Variants in UPF1 observed in about 807,000 individuals in gnomAD.
The protein encoded by UPF1 is regulator of nonsense transcripts 1.
A neutral mutation model predicts 129.2 loss-of-function variants in UPF1; 9 were observed. The ratio of observed to expected loss-of-function variants is 0.07; its 90% CI spans 0.04 to 0.12. The LOEUF (loss-of-function observed/expected upper bound fraction) is 0.12. Ranked by LOEUF, UPF1 falls within the 10% of genes least tolerant of loss-of-function variation. The pLI is 1.00. For missense variants in UPF1, 788 were observed against 1,525.3 expected (o/e 0.52, Z 8.05); for synonymous variants, 649 against 644.9 (o/e 1.01, Z -0.10).
At chr19:18,864,301 A>C (rs372396470) in intron 20 of UPF1, 50 bp downstream of exon 20, 3 of 1,525,440 alleles carry the variant, frequency 2.0e-6, no homozygotes, top group Non-Finnish European at 2.7e-6. Context: ...TCACACCGGG[A>C]TGCTGGCCGT....
At chr19:18,839,793 T>A (rs1239685905) in intron 1 of UPF1, among the ~76,000 whole-genome samples, 2 of 151,668 alleles carry the variant, frequency 1.3e-5, no homozygotes, top group African/African-American at 4.8e-5. Flanking sequence ...AGAGGGAGAG[T>A]GAAGCCTTTG....
Position 18,850,125 on chromosome 19 carries a change from A to T in UPF1, c.512A>T (p.His171Leu). 6.2e-7 allele frequency: 1 copy of T among 1,614,232 alleles called. No homozygotes were observed. Among genetic ancestry groups the T allele is most frequent in the Non-Finnish European group, 8.5e-7 (1 of 1,180,034 alleles). ...GCAAAATGCAAAGAGGTGACCCTGC[A>T]CAAGGACGGGCCCCTGGGGGAGACA... ...VRAKCKEVTL[H>L]KDGPLGETVL... Residue 171 changes from histidine (H) to leucine (L), a missense_variant, in exon 4 of 24, where the codon CAC becomes CTC. This residue lies in a region of UPF1 where 227 missense variants were observed against 517.9 expected (regional missense o/e 0.44). Transcript: ENST00000262803. This position sits in a 1 kb window ranked among gnomAD's most constrained non-coding sequence, Gnocchi z 7.1.
intron 18 of UPF1, among the ~76,000 whole-genome samples, chr19:18,862,668 C>T (rs2055793506): frequency 6.6e-6 from 1 of 152,046 alleles, no homozygotes; most frequent in Non-Finnish European, 1.5e-5. Context: ...CTCCTCTCTA[C>T]TAAATACAAA....
intron 17 of UPF1, 34 bp from the exon 18 acceptor site, chr19:18,861,976 G>A (rs1568282577): frequency 6.2e-7 from 1 of 1,609,522 alleles, no homozygotes; most frequent in East Asian, 2.2e-5. Context: ...AAGGCAGCCT[G>A]CTGGCTGATA....
In UPF1 at chr19:18,850,275, C is replaced by T. The variant is rs772675564; in HGVS notation, c.629+33C>T. On this transcript the variant is annotated intron_variant, in intron 4 of 23. Coordinates refer to ENST00000262803, the MANE Select transcript of UPF1 (RefSeq NM_002911.4). The surrounding 1 kb of genome is among the most constrained non-coding windows in gnomAD (Gnocchi z 7.1). ...GTCCCCAGATGTCTCCTGGGGGTGA[C>T]CTTTAAGCTCCAGCCGTCTCCTCAC... 2.4e-5 allele frequency: 37 copies of T among 1,541,598 alleles called. No individual in the cohort carries two copies. The highest frequency in any genetic ancestry group is 3.1e-5 in the Non-Finnish European group (35 of 1,145,660).
chr19:18,860,123 C>CGTATCAT lies in UPF1; in HGVS notation c.2183-198_2183-197insGTATCAT. The CGTATCAT allele has an allele frequency of 6.6e-6, 4 of 606,034 alleles. No homozygotes were observed. The Admixed American group carries it at 8.0e-5, about 12-fold the overall frequency. The allele number at this position is 606,034 out of a possible 1,614,324, so 37.5% of individuals were successfully genotyped here. A position where few individuals can be genotyped will look rare whatever the true frequency, so the allele number is the denominator to read the frequency against. ...TGCTGGCCATGGTGCTCTCGGTGGC[C>CGTATCAT]TCTCCTCAGCCTTGCCCAATCCTGG... is the stretch of plus-strand genomic sequence containing the variant. On this transcript the variant is annotated intron_variant, in intron 15 of 23. Coordinates refer to ENST00000262803, the MANE Select transcript of UPF1 (RefSeq NM_002911.4).
At chr19:18,854,294 T>TGGCTTCGCTGCCGCC (rs1297619195) in intron 8 of UPF1, among the ~76,000 whole-genome samples, 4 of 152,186 alleles carry the variant, frequency 2.6e-5, no homozygotes, top group Admixed American at 6.5e-5. Flanking sequence ...TGAGCGCTGC[T>TGGCTTCGCTGCCGCC]GGCTTCGCTG....
chr19:18,860,208 T>C (rs1381662524), intron 15 of UPF1, 113 bp from the exon 16 acceptor site: 1 of 1,133,984 alleles, frequency 8.8e-7, no homozygotes, highest in Non-Finnish European at 1.3e-6. Flanking sequence ...GATCGAAGTC[T>C]CCTGCCCCAG....
Position 18,853,003 on chromosome 19 carries a change from C to G in UPF1, c.989C>G (p.Thr330Ser), listed in dbSNP as rs1370331706. The change falls in exon 7 of 24, where the codon ACT (threonine) becomes AGT (serine). Residue 330 changes from threonine (T) to serine (S), a missense_variant. Physicochemically the swap from Thr to Ser is moderately conservative, Grantham distance 58. Around this residue, in one of 6 missense-constraint regions of UPF1, gnomAD observed 227 missense variants for 517.9 expected, o/e 0.44. Transcript: ENST00000262803. The surrounding 1 kb of genome is among the most constrained non-coding windows in gnomAD (Gnocchi z 4.4). The stretch of plus-strand genomic sequence containing the variant: ...TGTGCTCAGACTCAAGATAACATCA[C>G]TGTCAGGTGGGACCTGGGCCTTAAC... ...LKESQTQDNI[T>S]VRWDLGLNKK... 8 of 1,613,970 alleles carry G rather than the reference C, an allele frequency of 5.0e-6. No homozygotes were observed. Among genetic ancestry groups the G allele is most frequent in the Non-Finnish European group, 6.8e-6 (8 of 1,179,986 alleles).
Position 18,860,877 on chromosome 19 carries a change from C to T in UPF1, c.2352C>T (p.Gly784=), listed in dbSNP as rs545754995. Reference sequence around the variant, plus strand: ...TCACCACGAAGTTGCTGAAGGCAGGCGCCAAGCCGGACCAGATTGGCATCA... The same window carrying T: ...TCACCACGAAGTTGCTGAAGGCAGGTGCCAAGCCGGACCAGATTGGCATCA... ...EKITTKLLKA[G]AKPDQIGIIT... Residue 784 remains glycine (G), a synonymous_variant, in exon 17 of 24, where the codon GGC becomes GGT. Transcript: ENST00000262803. 29 of 1,610,606 alleles carry T rather than the reference C, an allele frequency of 1.8e-5. No homozygotes were observed. The highest frequency in any genetic ancestry group is 4.5e-5 in the East Asian group (2 of 44,750).
Position 18,832,132 on chromosome 19 carries a change from C to T in UPF1, c.-78C>T. ...GGGCGACAGCGGCAGCGACCCGAGG[C>T]CTGCGGCCTAGGCCTCAGCGCGGCG... is the stretch of plus-strand genomic sequence containing the variant. On this transcript the variant is annotated 5_prime_UTR_variant, in exon 1 of 24. Transcript: ENST00000262803. This position sits in a 1 kb window ranked among gnomAD's most constrained non-coding sequence, Gnocchi z 5.6. The T allele has an allele frequency of 7.5e-7, 1 of 1,328,796 alleles. No individual in the cohort carries two copies. Among genetic ancestry groups the T allele is most frequent in the Non-Finnish European group, 9.9e-7 (1 of 1,014,668 alleles). 82.3% of individuals were successfully genotyped at this position (1,328,796 alleles called of 1,614,324 possible). A position where few individuals can be genotyped will look rare whatever the true frequency, so the allele number is the denominator to read the frequency against.
At chr19:18,862,386 A>G (rs1376558423) in intron 18 of UPF1, among the ~76,000 whole-genome samples, 1 of 152,114 alleles carries the variant, frequency 6.6e-6, no homozygotes, top group African/African-American at 2.4e-5. Flanking sequence ...GTCTGATTCA[A>G]AATAAATCTT....
At chr19:18,854,731 C>T (rs771032522) in intron 9 of UPF1, 22 bp downstream of exon 9, 1 of 1,609,728 alleles carries the variant, frequency 6.2e-7, no homozygotes, top group South Asian at 1.1e-5. Context: ...CCCATCACTG[C>T]CCCCTGTTCC....
rs2055838412 is a variant in UPF1 at position 18,865,901 on chromosome 19, C to T, written c.3237+123C>T. ...TGTCCACTGTCTGAATTACCTGTCC[C>T]TGGGCTGGGGTCATCAGAGTGGGTC... On this transcript the variant is annotated intron_variant, in intron 22 of 23. Coordinates refer to ENST00000262803, the MANE Select transcript of UPF1 (RefSeq NM_002911.4). The surrounding 1 kb of genome is among the most constrained non-coding windows in gnomAD (Gnocchi z 6.1). The T allele has an allele frequency of 1.3e-5, 20 of 1,574,008 alleles. No homozygotes were observed. Among genetic ancestry groups the T allele is most frequent in the Non-Finnish European group, 1.7e-5 (20 of 1,159,264 alleles).
intron 8 of UPF1, 121 bp from the exon 9 acceptor site, chr19:18,854,480 G>C (rs1601116025): frequency 1.4e-6 from 1 of 740,242 alleles, no homozygotes; most frequent in East Asian, 2.5e-5. Flanking sequence ...GTTTGGTGCA[G>C]AGCCAGCGGT....
chr19:18,844,114 A>T, intron 1 of UPF1, among the ~76,000 whole-genome samples: 1 of 152,004 alleles, frequency 6.6e-6, no homozygotes, highest in Admixed American at 6.6e-5. Context: ...AAGCCCCTGT[A>T]CAGCTCTTAG....
Position 18,853,043 on chromosome 19 carries a change from C to T in UPF1, c.1029C>T (p.Ala343=). 6.2e-7 allele frequency: 1 copy of T among 1,614,164 alleles called. No homozygotes were observed. The highest frequency in any genetic ancestry group is 8.5e-7 in the Non-Finnish European group (1 of 1,180,020). Residue 343 remains alanine (A), a synonymous_variant, in exon 7 of 24, where the codon GCC becomes GCT. Coordinates refer to ENST00000262803, the MANE Select transcript of UPF1 (RefSeq NM_002911.4). This position sits in a 1 kb window ranked among gnomAD's most constrained non-coding sequence, Gnocchi z 4.4. ...TGGGCCTTAACAAGAAGAGAATCGC[C>T]TACTTCACTTTGCCCAAGACTGACT... ...WDLGLNKKRI[A]YFTLPKTDSD...
chr19:18,834,677 G>A (rs1215784913), intron 1 of UPF1, among the ~76,000 whole-genome samples: 1 of 152,224 alleles, frequency 6.6e-6, no homozygotes, highest in African/African-American at 2.4e-5. Context: ...ACAAGGGGAA[G>A]AACGGAATTT....
At chr19:18,846,455 G>A (rs1211487876) in intron 2 of UPF1, among the ~76,000 whole-genome samples, 1 of 152,042 alleles carries the variant, frequency 6.6e-6, no homozygotes, top group African/African-American at 2.4e-5. Context: ...GAGCATCTGG[G>A]GTGGGAGGGT....
Sources: gnomAD v4.1 joint callset for allele counts (sites outside exome capture counted in the v4.1 genomes callset) on GRCh38, gnomAD v4.1.1 for gene constraint, gnomAD v4.1.1 regional missense constraint, Gnocchi (gnomAD v3.1) non-coding constraint, MANE v1.5 for transcripts, NCBI Gene and HGNC (gene_info 2026-07-23, HGNC 2026-07-21) for gene names.